PRPF8: variants seen among roughly 807,000 people sequenced by gnomAD.
PRPF8 encodes pre-mRNA processing factor 8, also known as pre-mRNA-processing-splicing factor 8.
PRPF8 carries 64 observed loss-of-function variants against 285.9 expected under a neutral mutation model. The observed-to-expected ratio is 0.22, with a 90% CI of 0.18 to 0.28. The LOEUF is 0.28. Ranked by LOEUF, PRPF8 falls within the 10% of genes least tolerant of loss-of-function variation. The pLI, the probability that PRPF8 is intolerant of heterozygous loss-of-function variation, is 1.00. For missense variants in PRPF8, 1,426 were observed against 3,026.7 expected (o/e 0.47, Z 12.41); for synonymous variants, 1,325 against 1,118.2 (o/e 1.18, Z -3.69).
intron 37 of PRPF8, chr17:1,654,857 C>A: frequency 5.7e-6 from 1 of 174,570 alleles, no homozygotes; most frequent in Non-Finnish European, 1.2e-5. Flanking sequence ...GGTTTCAACT[C>A]CTGGCTCATG....
rs900577413 is a variant in PRPF8 at position 1,673,972 on chromosome 17, G to T, written c.3300-80C>A. ...CCACAAGTCCTCCAGCTCAATAGACGGAGACCCCACCCCATCCTACCCCCA... is the reference window on the plus strand; with the variant it reads ...CCACAAGTCCTCCAGCTCAATAGACTGAGACCCCACCCCATCCTACCCCCA... On this transcript the variant is annotated intron_variant, in intron 21 of 42. Coordinates refer to ENST00000304992, the MANE Select transcript of PRPF8 (RefSeq NM_006445.4). This position sits in a 1 kb window ranked among gnomAD's most constrained non-coding sequence, Gnocchi z 5.5. 7.8e-6 allele frequency: 12 copies of T among 1,540,958 alleles called. No individual in the cohort carries two copies. Among genetic ancestry groups the T allele is most frequent in the Non-Finnish European group, 9.8e-6 (11 of 1,126,566 alleles).
rs184245841 is a variant in PRPF8, at chr17:1,683,761, T to A, written c.101-60A>T. 4.2e-5 allele frequency: 67 copies of A among 1,599,162 alleles called. No individual in the cohort carries two copies. The African/African-American group carries it at 5.0e-4, about 12-fold the overall frequency. ...CCTCCCCCTAATCCTCTTCACCTCT[T>A]GCCCTAGGGTAAGCTCCTGTCAGTG... On this transcript the variant is annotated intron_variant, in intron 2 of 42. Coordinates refer to ENST00000304992, the MANE Select transcript of PRPF8 (RefSeq NM_006445.4).
At chr17:1,672,895 G>A (rs1376297527) in intron 24 of PRPF8, 186 bp downstream of exon 24, 4 of 650,828 alleles carry the variant, frequency 6.1e-6, no homozygotes, top group South Asian at 3.5e-5. Flanking sequence ...TTTCTACAAG[G>A]AACGCTCAGA....
intron 13 of PRPF8, among the ~76,000 whole-genome samples, chr17:1,678,177 T>C (rs1912710086): frequency 6.6e-6 from 1 of 152,088 alleles, no homozygotes; most frequent in Non-Finnish European, 1.5e-5. Flanking sequence ...TAGCCAGGCA[T>C]GGTGGTGCGC....
Position 1,661,646 on chromosome 17 carries a change from G to A in PRPF8, c.4167C>T (p.Tyr1389=), listed in dbSNP as rs1911683631. 7 of 1,613,762 alleles carry A rather than the reference G, an allele frequency of 4.3e-6. No homozygotes were observed. Among genetic ancestry groups the A allele is most frequent in the Non-Finnish European group, 5.9e-6 (7 of 1,180,038 alleles). The change falls in exon 26 of 43, where the codon TAC becomes TAT. Residue 1389 remains tyrosine, a synonymous_variant. Coordinates refer to ENST00000304992, the MANE Select transcript of PRPF8 (RefSeq NM_006445.4). The surrounding 1 kb of genome is among the most constrained non-coding windows in gnomAD (Gnocchi z 7.3). ...CAATGGCCTCTTGCCTCTTGAGTGC[G>A]TACTCAGCCCAGACCCGCTGAGAAT... The part of the protein sequence containing the change: ...FIDSQRVWAE[Y]ALKRQEAIAQ...
At chr17:1,667,499 T>C (rs1377785715) in intron 24 of PRPF8, among the ~76,000 whole-genome samples, 1 of 144,684 alleles carries the variant, frequency 6.9e-6, no homozygotes, top group African/African-American at 2.9e-5. Flanking sequence ...CTCTTATGTC[T>C]TCATAAAAAA....
intron 24 of PRPF8, among the ~76,000 whole-genome samples, chr17:1,670,611 T>C (rs1912255555): frequency 6.6e-6 from 1 of 152,124 alleles, no homozygotes; most frequent in African/African-American, 2.4e-5. Flanking sequence ...CTCAGCCTCC[T>C]GTGTAGCTGG....
chr17:1,671,391 T>C (rs889697215), intron 24 of PRPF8, among the ~76,000 whole-genome samples: 14 of 152,152 alleles, frequency 9.2e-5, no homozygotes, highest in African/African-American at 3.4e-4. Flanking sequence ...ATTTCAAATT[T>C]TGGATTAGGG....
Position 1,678,633 on chromosome 17 carries a change from T to C in PRPF8, c.1739A>G (p.Tyr580Cys), listed in dbSNP as rs774289512. The C allele has an allele frequency of 6.2e-7, 1 of 1,614,196 alleles. No homozygotes were observed. The highest frequency in any genetic ancestry group is 1.7e-5 in the Admixed American group (1 of 60,016). ...CAACTGCCCAACATGGGCAAATATA[T>C]ACTGCAATCCATCTGCCAGCTGCAA... ...DAFQLADGLQ[Y>C]IFAHVGQLTG... The change falls in exon 13 of 43, where the codon TAT (tyrosine) becomes TGT (cysteine). Residue 580 changes from tyrosine (Y) to cysteine (C), a missense_variant. Physicochemically the swap from Tyr to Cys is radical, Grantham distance 194. Coordinates refer to ENST00000304992, the MANE Select transcript of PRPF8 (RefSeq NM_006445.4).
chr17:1,663,625 C>T (rs752271249), intron 24 of PRPF8, among the ~76,000 whole-genome samples: 2 of 141,008 alleles, frequency 1.4e-5, no homozygotes, highest in Non-Finnish European at 3.0e-5. Flanking sequence ...AGAAGAATCG[C>T]TTGAACTCGG....
At position 1,681,666 on chromosome 17, in the gene PRPF8, C is replaced by T. The variant is rs1050533985; in HGVS notation, c.678G>A (p.Gln226=). ...TCATAGGTAGTGTGAACTGCCAGCG[C>T]TGGTAAGTGGAGCCATTTACATACC... ...SRKYVNGSTY[Q]RWQFTLPMMS... is the part of the protein sequence containing the mutation. The change falls in exon 6 of 43, where the codon CAG becomes CAA. Residue 226 remains glutamine, a synonymous_variant. Coordinates refer to ENST00000304992, the MANE Select transcript of PRPF8 (RefSeq NM_006445.4). 3.7e-6 allele frequency: 6 copies of T among 1,613,988 alleles called. No homozygotes were observed. In the African/African-American group the frequency reaches 8.0e-5, roughly 22 times the overall value.
Position 1,676,850 on chromosome 17 carries a change from C to A in PRPF8, c.2181+126G>T. The A allele has an allele frequency of 6.8e-7, 1 of 1,478,546 alleles. No homozygotes were observed. Among genetic ancestry groups the A allele is most frequent in the Non-Finnish European group, 9.4e-7 (1 of 1,068,282 alleles). 91.6% of individuals were successfully genotyped at this position (1,478,546 alleles called of 1,614,324 possible). On this transcript the variant is annotated intron_variant, in intron 15 of 42. Transcript: ENST00000304992. This position sits in a 1 kb window ranked among gnomAD's most constrained non-coding sequence, Gnocchi z 6.3. ...GGCCAGCCTAAGCAACATGGTGCTT[C>A]TTTTCCCTGTCTAAAAGGGAAAAGA...
Position 1,653,285 on chromosome 17 carries a change from G to A in PRPF8, c.6369+257C>T, listed in dbSNP as rs1430525496. 3 of 598,584 alleles carry A rather than the reference G, an allele frequency of 5.0e-6. No homozygotes were observed. The highest frequency in any genetic ancestry group is 1.8e-5 in the African/African-American group (1 of 54,120). 37.1% of individuals were successfully genotyped at this position (598,584 alleles called of 1,614,324 possible). A position where few individuals can be genotyped will look rare whatever the true frequency, so the allele number is the denominator to read the frequency against. On this transcript the variant is annotated intron_variant, in intron 39 of 42. Coordinates refer to ENST00000304992, the MANE Select transcript of PRPF8 (RefSeq NM_006445.4). The surrounding 1 kb of genome is among the most constrained non-coding windows in gnomAD (Gnocchi z 4.9). ...TGAGCCAGCACGCACACCTGGTCAG[G>A]AATTTGTTTCTGACCATATCTGTTC... is the stretch of plus-strand genomic sequence containing the variant.
chr17:1,672,982 A>C, intron 24 of PRPF8, 99 bp downstream of exon 24: 1 of 1,106,334 alleles, frequency 9.0e-7, no homozygotes, highest in East Asian at 2.3e-5. Flanking sequence ...TAAGCAAAGA[A>C]GAGAAGGAAG....
Position 1,650,920 on chromosome 17 carries a change from T to C in PRPF8, c.6890A>G (p.Gln2297Arg), listed in dbSNP as rs1309667393. The C allele has an allele frequency of 1.2e-6, 2 of 1,614,084 alleles. No homozygotes were observed. The highest frequency in any genetic ancestry group is 2.2e-5 in the East Asian group (1 of 44,898). Residue 2297 changes from glutamine (Q) to arginine (R), a missense_variant, in exon 43 of 43, where the codon CAG becomes CGG. Gln to Arg is a conservative substitution (Grantham distance 43). Around this residue, in one of 34 missense-constraint regions of PRPF8, gnomAD observed 59 missense variants for 58.6 expected, o/e 1.01. Coordinates refer to ENST00000304992, the MANE Select transcript of PRPF8 (RefSeq NM_006445.4). ...RHDPNMKYEL[Q>R]LANPKEFYHE... The stretch of plus-strand genomic sequence containing the variant: ...GTAGAACTCTTTGGGGTTCGCCAGC[T>C]GTAGCTCATATTTCATGTTGGGGTC...
At chr17:1,684,219 T>C (rs1321089984) in intron 2 of PRPF8, among the ~76,000 whole-genome samples, 1 of 152,176 alleles carries the variant, frequency 6.6e-6, no homozygotes, top group Non-Finnish European at 1.5e-5. Context: ...CAAGGTTTTG[T>C]TATTCTCTGT....
Position 1,675,573 on chromosome 17 carries a change from T to A in PRPF8, c.2872+47A>T. The A allele has an allele frequency of 4.3e-6, 7 of 1,611,418 alleles. No homozygotes were observed. The highest frequency in any genetic ancestry group is 5.9e-6 in the Non-Finnish European group (7 of 1,177,742). On this transcript the variant is annotated intron_variant, in intron 19 of 42. Coordinates refer to ENST00000304992, the MANE Select transcript of PRPF8 (RefSeq NM_006445.4). This position sits in a 1 kb window ranked among gnomAD's most constrained non-coding sequence, Gnocchi z 6.0. ...CCAGATGAGATTTTTGACGTAGAAC[T>A]AAATTCCTGCCCCGTTCCTCACAGG...
chr17:1,660,968 C>A, intron 28 of PRPF8, 25 bp downstream of exon 28: 1 of 1,613,190 alleles, frequency 6.2e-7, no homozygotes, highest in South Asian at 1.1e-5. Context: ...TGTGACAGGT[C>A]CCTCTAAGAG....
rs374451932 is a variant in PRPF8 at position 1,651,004 on chromosome 17, G to A, written c.6854-48C>T. Reference sequence around the variant, plus strand: ...AATGTTAACAGGGCTCCTGCCTCATGCAGCCTGCGCCACCTCCAAGCCAGC... The same window carrying A: ...AATGTTAACAGGGCTCCTGCCTCATACAGCCTGCGCCACCTCCAAGCCAGC... On this transcript the variant is annotated intron_variant, in intron 42 of 42. Transcript: ENST00000304992. The surrounding 1 kb of genome is among the most constrained non-coding windows in gnomAD (Gnocchi z 5.1). 257 of 1,613,964 alleles carry A rather than the reference G, an allele frequency of 1.6e-4. No individual in the cohort carries two copies. The highest frequency in any genetic ancestry group is 2.2e-4 in the Non-Finnish European group (254 of 1,179,988).
Sources: allele counts gnomAD v4.1 joint callset (sites outside exome capture counted in the v4.1 genomes callset), GRCh38; gene constraint gnomAD v4.1.1; regional missense constraint gnomAD v4.1.1; non-coding constraint Gnocchi (gnomAD v3.1); transcripts MANE v1.5; gene names NCBI Gene and HGNC (gene_info 2026-07-23, HGNC 2026-07-21).